The following APBA1 variants were observed in gnomAD, a reference collection of about 807,000 sequenced individuals.
The protein encoded by APBA1 is amyloid beta precursor protein binding family A member 1.
A neutral mutation model predicts 86.6 loss-of-function variants in APBA1; 55 were observed. The ratio of observed to expected loss-of-function variants is 0.64; its 90% CI spans 0.51 to 0.80. The LOEUF (loss-of-function observed/expected upper bound fraction) is 0.80. APBA1 is among the 30% of genes least tolerant of loss of function. APBA1 has a pLI of 0.00. For synonymous variants in APBA1, 511 were observed against 493.9 expected, an observed-to-expected ratio of 1.03 and a Z score of -0.46; for missense variants, 1,090 against 1,183.0, an observed-to-expected ratio of 0.92 and a Z score of 1.15.
At chr9:69,440,346 G>A (rs547005907) in intron 11 of APBA1, among the ~76,000 whole-genome samples, 1 of 152,174 alleles carries the variant, frequency 6.6e-6, no homozygotes, top group African/African-American at 2.4e-5. Context: ...AGAGGTTACT[G>A]CTGCCTTTTG....
intron 2 of APBA1, among the ~76,000 whole-genome samples, chr9:69,512,676 AC>A (rs1836070789): frequency 6.6e-6 from 1 of 152,214 alleles, no homozygotes. Flanking sequence ...CCCAGATAAT[AC>A]ATTTTTTCCT....
chr9:69,636,091 G>C (rs1823152015), intron 1 of APBA1, among the ~76,000 whole-genome samples: 1 of 152,170 alleles, frequency 6.6e-6, no homozygotes, highest in Admixed American at 6.5e-5. Context: ...ACAGGCAAAG[G>C]ATCTGACATT....
chr9:69,600,185 G>A (rs1471078494), intron 1 of APBA1, among the ~76,000 whole-genome samples: 1 of 152,148 alleles, frequency 6.6e-6, no homozygotes, highest in Non-Finnish European at 1.5e-5. Context: ...CTGCCTTCAA[G>A]GAAATGCAAA....
chr9:69,672,354 G>C lies in APBA1; in HGVS notation c.-271C>G, dbSNP rs895058797. ...AGCTCCGGCTCCGCAGCCGCTGCTCGGACCCCTCCGGTCTCGCGGCCCCAC... is the reference window on the plus strand; with the variant it reads ...AGCTCCGGCTCCGCAGCCGCTGCTCCGACCCCTCCGGTCTCGCGGCCCCAC... On this transcript the variant is annotated 5_prime_UTR_variant, in exon 1 of 13. Coordinates refer to ENST00000265381, the MANE Select transcript of APBA1 (RefSeq NM_001163.4). 5 of 157,938 alleles carry C rather than the reference G, an allele frequency of 3.2e-5. No individual in the cohort carries two copies. The highest frequency in any genetic ancestry group is 7.2e-5 in the African/African-American group (3 of 41,414). The allele number at this position is 157,938 out of a possible 1,614,324, so 9.8% of individuals were successfully genotyped here.
At chr9:69,576,662 C>T (rs1821806188) in intron 1 of APBA1, among the ~76,000 whole-genome samples, 1 of 151,928 alleles carries the variant, frequency 6.6e-6, no homozygotes, top group Admixed American at 6.6e-5. Flanking sequence ...ACAATGAGAA[C>T]ACATGGACAC....
At chr9:69,446,025 C>G (rs1834901233) in intron 10 of APBA1, among the ~76,000 whole-genome samples, 1 of 152,180 alleles carries the variant, frequency 6.6e-6, no homozygotes. Flanking sequence ...GTCAAAGTCA[C>G]TGCAAAGAGC....
chr9:69,560,599 T>C (rs1836932612), intron 1 of APBA1, among the ~76,000 whole-genome samples: 1 of 152,234 alleles, frequency 6.6e-6, no homozygotes, highest in African/African-American at 2.4e-5. Context: ...GCATGTAAAG[T>C]ACTTGGCACA....
chr9:69,448,244 T>A (rs1441644301), intron 10 of APBA1, among the ~76,000 whole-genome samples: 1 of 152,238 alleles, frequency 6.6e-6, no homozygotes, highest in Non-Finnish European at 1.5e-5. Context: ...CTCACCTTTA[T>A]GTTGGCCGCA....
intron 2 of APBA1, among the ~76,000 whole-genome samples, chr9:69,492,639 C>T (rs1049999086): frequency 6.6e-6 from 1 of 152,014 alleles, no homozygotes; most frequent in Non-Finnish European, 1.5e-5. Flanking sequence ...CACTATCTCC[C>T]GACCAAGACA....
chr9:69,622,618 T>C (rs992789365), intron 1 of APBA1, among the ~76,000 whole-genome samples: 1 of 151,902 alleles, frequency 6.6e-6, no homozygotes, highest in Admixed American at 6.6e-5. Flanking sequence ...AGAAAATCTA[T>C]TGGAGAAGTA....
intron 2 of APBA1, among the ~76,000 whole-genome samples, chr9:69,489,069 A>G (rs1248380448): frequency 1.3e-5 from 2 of 152,136 alleles, no homozygotes; most frequent in Non-Finnish European, 2.9e-5. Context: ...GGTAATTTAT[A>G]GATTCAATGC....
intron 9 of APBA1, among the ~76,000 whole-genome samples, chr9:69,450,595 G>A (rs1834990311): frequency 1.3e-5 from 2 of 152,286 alleles, no homozygotes; most frequent in South Asian, 4.1e-4. Context: ...CTGGAGAACT[G>A]TCCTTAGCTG....
intron 9 of APBA1, among the ~76,000 whole-genome samples, chr9:69,450,943 A>C (rs1564033759): frequency 6.6e-6 from 1 of 152,200 alleles, no homozygotes; most frequent in Non-Finnish European, 1.5e-5. Context: ...TTCTTCTCTC[A>C]CGGCTCTCAG....
intron 10 of APBA1, among the ~76,000 whole-genome samples, chr9:69,442,713 C>T (rs1204948703): frequency 6.6e-6 from 1 of 152,222 alleles, no homozygotes; most frequent in Non-Finnish European, 1.5e-5. Flanking sequence ...GATCGTCTGC[C>T]TCTTATTCTA....
chr9:69,486,952 A>G (rs1835621055), intron 2 of APBA1, among the ~76,000 whole-genome samples: 1 of 151,160 alleles, frequency 6.6e-6, no homozygotes, highest in South Asian at 2.1e-4. Flanking sequence ...CTATTTCCTG[A>G]GTTGAACCAA....
intron 2 of APBA1, among the ~76,000 whole-genome samples, chr9:69,482,353 C>G (rs1835526737): frequency 6.6e-6 from 1 of 151,710 alleles, no homozygotes; most frequent in African/African-American, 2.4e-5. Flanking sequence ...ATTTATGCAG[C>G]CAAAAAACAC....
intron 1 of APBA1, among the ~76,000 whole-genome samples, chr9:69,632,975 C>G (rs1036925903): frequency 6.6e-6 from 1 of 151,918 alleles, no homozygotes; most frequent in East Asian, 1.9e-4. Flanking sequence ...CTAGCTCCCC[C>G]CCTGCTGGGT....
chr9:69,514,116 T>C (rs1308921486), intron 2 of APBA1, among the ~76,000 whole-genome samples: 1 of 152,212 alleles, frequency 6.6e-6, no homozygotes, highest in Admixed American at 6.5e-5. Context: ...TCACATTTCT[T>C]AGGTATTTCA....
intron 2 of APBA1, among the ~76,000 whole-genome samples, chr9:69,510,829 C>T (rs1836023752): frequency 1.4e-5 from 2 of 146,634 alleles, no homozygotes; most frequent in Admixed American, 1.4e-4. Flanking sequence ...GGAAAGGATT[C>T]CCTATTTAAT....
Sources: gnomAD v4.1 joint callset for allele counts (sites outside exome capture counted in the v4.1 genomes callset) on GRCh38, gnomAD v4.1.1 for gene constraint, MANE v1.5 for transcripts, NCBI Gene and HGNC (gene_info 2026-07-23, HGNC 2026-07-21) for gene names.